The following GPC5 variants were observed in gnomAD, a reference collection of about 807,000 sequenced individuals.
GPC5 encodes glypican-5.
GPC5 carries 47 observed loss-of-function variants against 53.9 expected under a neutral mutation model. The observed-to-expected ratio is 0.87, with a 90% CI of 0.69 to 1.11. The LOEUF (loss-of-function observed/expected upper bound fraction) is 1.11, where lower values mean the gene tolerates loss of function less well. Ranked by LOEUF, GPC5 falls within the 50% of genes most tolerant of loss-of-function variation. The pLI is 0.00. For missense variants in GPC5, 748 were observed against 713.1 expected, an observed-to-expected ratio of 1.05 and a Z score of -0.56; for synonymous variants, 286 against 263.3, an observed-to-expected ratio of 1.09 and a Z score of -0.84.
At chr13:92,851,817 G>A (rs1469365247) in intron 7 of GPC5, among the ~76,000 whole-genome samples, 1 of 149,644 alleles carries the variant, frequency 6.7e-6, no homozygotes, top group Non-Finnish European at 1.5e-5. Context: ...TGAACCGGAA[G>A]GCAGAGCTTG....
At chr13:92,822,256 A>G (rs1192631854) in intron 7 of GPC5, among the ~76,000 whole-genome samples, 1 of 152,122 alleles carries the variant, frequency 6.6e-6, no homozygotes, top group African/African-American at 2.4e-5. Context: ...AGTAAAATTT[A>G]TGGACTAGGT....
At position 91,728,676 on chromosome 13, in the gene GPC5, T is replaced by C. The variant is rs767688589; in HGVS notation, c.1154+11T>C. On this transcript the variant is annotated intron_variant, in intron 4 of 7. Transcript: ENST00000377067. ...TGCCAACAGAAGAAAGTAAGACATT[T>C]GTTTTACAACCAGAAAGAGAAAAGA... is the stretch of plus-strand genomic sequence containing the variant. 1.8e-5 allele frequency: 29 copies of C among 1,605,552 alleles called. No homozygotes were observed. The highest frequency in any genetic ancestry group is 4.0e-5 in the African/African-American group (3 of 74,442).
chr13:92,388,311 T>C (rs1350703302), intron 7 of GPC5, among the ~76,000 whole-genome samples: 1 of 152,066 alleles, frequency 6.6e-6, no homozygotes, highest in Non-Finnish European at 1.5e-5. Context: ...ATATCTGATA[T>C]TTTTGCTAGA....
At chr13:92,557,266 A>T (rs532744767) in intron 7 of GPC5, among the ~76,000 whole-genome samples, 34 of 152,026 alleles carry the variant, frequency 2.2e-4, no homozygotes, top group South Asian at 8.3e-4. Context: ...GCACATTTTT[A>T]AAAATTTGTG....
chr13:92,486,986 G>T (rs1161271250), intron 7 of GPC5, among the ~76,000 whole-genome samples: 3 of 152,024 alleles, frequency 2.0e-5, no homozygotes, highest in Non-Finnish European at 4.4e-5. Flanking sequence ...CTCTCAAGTA[G>T]CTGGGATTAT....
At chr13:92,515,469 T>A (rs1419565245) in intron 7 of GPC5, among the ~76,000 whole-genome samples, 1 of 152,186 alleles carries the variant, frequency 6.6e-6, no homozygotes, top group African/African-American at 2.4e-5. Context: ...TGGTATGAAG[T>A]TCTCGACCCA....
chr13:91,659,270 G>A (rs2034924939), intron 2 of GPC5, among the ~76,000 whole-genome samples: 1 of 152,202 alleles, frequency 6.6e-6, no homozygotes, highest in African/African-American at 2.4e-5. Flanking sequence ...TCAGGTGCAA[G>A]CCAATAGGGA....
intron 7 of GPC5, among the ~76,000 whole-genome samples, chr13:92,273,727 T>C (rs2042856100): frequency 6.6e-6 from 1 of 152,140 alleles, no homozygotes; most frequent in Non-Finnish European, 1.5e-5. Flanking sequence ...AAACGTCTAC[T>C]CTGTGAATTT....
intron 2 of GPC5, among the ~76,000 whole-genome samples, chr13:91,533,138 G>A (rs1264484556): frequency 6.6e-6 from 1 of 152,168 alleles, no homozygotes; most frequent in Non-Finnish European, 1.5e-5. Flanking sequence ...GGCTTGGGAG[G>A]TAAGAAAACC....
At chr13:92,735,992 A>C (rs534247404) in intron 7 of GPC5, among the ~76,000 whole-genome samples, 3 of 152,130 alleles carry the variant, frequency 2.0e-5, no homozygotes, top group African/African-American at 7.2e-5. Context: ...AATCTTCCCC[A>C]CCACAGGGAA....
At chr13:92,746,797 C>G (rs1193108906) in intron 7 of GPC5, among the ~76,000 whole-genome samples, 1 of 152,022 alleles carries the variant, frequency 6.6e-6, no homozygotes, top group Admixed American at 6.6e-5. Flanking sequence ...GATTTGGCTC[C>G]TTGATTCATT....
intron 7 of GPC5, among the ~76,000 whole-genome samples, chr13:92,700,614 C>A (rs1158416108): frequency 6.6e-6 from 1 of 151,924 alleles, no homozygotes; most frequent in Non-Finnish European, 1.5e-5. Flanking sequence ...GCTTCTATTG[C>A]AATGCTGCCT....
chr13:91,506,542 T>C (rs1484869521), intron 2 of GPC5, among the ~76,000 whole-genome samples: 1 of 152,162 alleles, frequency 6.6e-6, no homozygotes, highest in African/African-American at 2.4e-5. Flanking sequence ...GTAAGATCTA[T>C]ATGCCAACAA....
intron 7 of GPC5, among the ~76,000 whole-genome samples, chr13:92,615,965 A>T (rs1297619876): frequency 6.6e-6 from 1 of 152,120 alleles, no homozygotes; most frequent in African/African-American, 2.4e-5. Flanking sequence ...GAGGCAGGAG[A>T]ATGGCGTGAA....
intron 6 of GPC5, among the ~76,000 whole-genome samples, chr13:92,064,294 A>C (rs2138856778): frequency 6.6e-6 from 1 of 152,322 alleles, no homozygotes; most frequent in East Asian, 1.9e-4. Flanking sequence ...TTCAAATGTA[A>C]GTGCATATAA....
At chr13:91,916,113 T>C (rs1428550227) in intron 6 of GPC5, among the ~76,000 whole-genome samples, 1 of 152,176 alleles carries the variant, frequency 6.6e-6, no homozygotes, top group African/African-American at 2.4e-5. Flanking sequence ...ATCTTAAGCG[T>C]CAATTTAATT....
intron 6 of GPC5, among the ~76,000 whole-genome samples, chr13:92,031,840 AT>A (rs1168976997): frequency 9.5e-6 from 1 of 105,690 alleles, no homozygotes; most frequent in Non-Finnish European, 1.8e-5. Context: ...TATATAATAT[AT>A]TACATATTAT....
chr13:92,787,964 G>C (rs563353324), intron 7 of GPC5, among the ~76,000 whole-genome samples: 3 of 151,354 alleles, frequency 2.0e-5, no homozygotes, highest in African/African-American at 7.3e-5. Flanking sequence ...AGAATGGAAA[G>C]AATAGTAGAA....
chr13:92,599,472 G>T (rs1212001069), intron 7 of GPC5, among the ~76,000 whole-genome samples: 3 of 152,134 alleles, frequency 2.0e-5, no homozygotes, highest in Non-Finnish European at 4.4e-5. Context: ...TTGAGGAGCT[G>T]AACACAGTTC....
Sources: allele counts gnomAD v4.1 joint callset (sites outside exome capture counted in the v4.1 genomes callset), GRCh38; gene constraint gnomAD v4.1.1; transcripts MANE v1.5; gene names NCBI Gene and HGNC (gene_info 2026-07-23, HGNC 2026-07-21).